The following UNC5B variants were observed in gnomAD, a reference collection of about 807,000 sequenced individuals.
The protein encoded by UNC5B is unc-5 netrin receptor B.
UNC5B carries 56 observed loss-of-function variants against 103.7 expected under a neutral mutation model. That is an observed-to-expected ratio of 0.54 (90% CI 0.44 to 0.67). The LOEUF is 0.67. Among genes scored for constraint, UNC5B ranks in the 30% least tolerant of loss-of-function variants. The probability of loss-of-function intolerance (pLI) is 0.00; values close to 1 mark genes in which losing one functional copy is unlikely to be tolerated. For missense variants in UNC5B, 1,194 were observed against 1,284.5 expected, an observed-to-expected ratio of 0.93 and a Z score of 1.08; for synonymous variants, 577 against 542.0, an observed-to-expected ratio of 1.06 and a Z score of -0.90.
chr10:71,265,462 G>A (rs1311839202), intron 1 of UNC5B, among the ~76,000 whole-genome samples: 1 of 152,160 alleles, frequency 6.6e-6, no homozygotes, highest in East Asian at 1.9e-4. Context: ...AGCTTATGAT[G>A]CCAACCAAAG....
chr10:71,267,934 C>G (rs1224437675), intron 1 of UNC5B, among the ~76,000 whole-genome samples: 2 of 152,240 alleles, frequency 1.3e-5, no homozygotes, highest in Non-Finnish European at 2.9e-5. Flanking sequence ...GGCCTCCTAA[C>G]TGCTGTGTGA....
rs964509590 is a variant in UNC5B, at chr10:71,285,507, A to G, written c.552+78A>G. On this transcript the variant is annotated intron_variant, in intron 4 of 16. Coordinates refer to ENST00000335350, the MANE Select transcript of UNC5B (RefSeq NM_170744.5). Reference sequence around the variant, plus strand: ...AAGCCAGGCAGGCATGGTATTTACCACCAGCCATGGTGCTAGTCTCCCAGA... The same window carrying G: ...AAGCCAGGCAGGCATGGTATTTACCGCCAGCCATGGTGCTAGTCTCCCAGA... 15 of 1,294,038 alleles carry G rather than the reference A, an allele frequency of 1.2e-5. No individual in the cohort carries two copies. The African/African-American group carries it at 1.6e-4, about 14-fold the overall frequency. 80.2% of individuals were successfully genotyped at this position (1,294,038 alleles called of 1,614,324 possible).
At chr10:71,238,656 T>C (rs1219306389) in intron 1 of UNC5B, among the ~76,000 whole-genome samples, 1 of 152,110 alleles carries the variant, frequency 6.6e-6, no homozygotes, top group Non-Finnish European at 1.5e-5. Flanking sequence ...GGTTTCACCA[T>C]CTTGGCCAGG....
At chr10:71,267,405 A>G (rs1564723657) in intron 1 of UNC5B, among the ~76,000 whole-genome samples, 1 of 152,202 alleles carries the variant, frequency 6.6e-6, no homozygotes, top group Non-Finnish European at 1.5e-5. Context: ...AAGTGAGCTG[A>G]TTCCTTGGCC....
intron 1 of UNC5B, among the ~76,000 whole-genome samples, chr10:71,241,294 T>G (rs921083929): frequency 1.3e-5 from 2 of 152,156 alleles, no homozygotes; most frequent in African/African-American, 4.8e-5. Context: ...GGGTTGCCAG[T>G]GCCGAAGGCC....
At position 71,292,570 on chromosome 10, in the gene UNC5B, G is replaced by A. The variant is rs1845293570; in HGVS notation, c.1772+16G>A. 6.3e-7 allele frequency: 1 copy of A among 1,584,774 alleles called. No individual in the cohort carries two copies. Among genetic ancestry groups the A allele is most frequent in the Non-Finnish European group, 8.6e-7 (1 of 1,163,956 alleles). On this transcript the variant is annotated intron_variant, in intron 11 of 16. Transcript: ENST00000335350. ...AAAGTACCCTGTGAGTAGAGCCCCA[G>A]CCGCTGCTCCTTTTTCTTCCTCCCA...
Position 71,241,651 on chromosome 10 carries a change from A to C in UNC5B, c.79+28587A>C, listed in dbSNP as rs1022525925. Reference sequence around the variant, plus strand: ...CAGTAGTAACTGGCACCACGACAGAAGGCCCGTCTTCTCCTTGGCCTGGCA... The same window carrying C: ...CAGTAGTAACTGGCACCACGACAGACGGCCCGTCTTCTCCTTGGCCTGGCA... On this transcript the variant is annotated intron_variant, in intron 1 of 16. Coordinates refer to ENST00000335350, the MANE Select transcript of UNC5B (RefSeq NM_170744.5). Among the ~76,000 whole-genome samples the C allele has an allele frequency of 2.0e-5, 3 of 151,980 alleles. No homozygotes were observed. The South Asian group carries it at 6.2e-4, about 32-fold the overall frequency.
intron 2 of UNC5B, among the ~76,000 whole-genome samples, chr10:71,282,313 C>T (rs1225438735): frequency 6.6e-6 from 1 of 152,190 alleles, no homozygotes; most frequent in African/African-American, 2.4e-5. Context: ...GGGCAGGCAG[C>T]CCAACCCTGG....
chr10:71,217,404 G>GGGGCGCCGC (rs1185944532), intron 1 of UNC5B: 1 of 152,212 alleles, frequency 6.6e-6, no homozygotes, highest in Non-Finnish European at 1.5e-5. Flanking sequence ...CGATCCGCCG[G>GGGGCGCCGC]GGGCGCCGCG....
Position 71,288,944 on chromosome 10 carries a change from A to C in UNC5B, c.1067-14A>C, listed in dbSNP as rs1313044666. ...CACCTATGTCATTGTCTTTCCCTTTATTTCCCTTGACAGATAAGAAAACTC... is the reference window on the plus strand; with the variant it reads ...CACCTATGTCATTGTCTTTCCCTTTCTTTCCCTTGACAGATAAGAAAACTC... On this transcript the variant is annotated splice_polypyrimidine_tract_variant and intron_variant, in intron 7 of 16. Transcript: ENST00000335350. 1 of 1,607,258 alleles carries C rather than the reference A, an allele frequency of 6.2e-7. No individual in the cohort carries two copies. The highest frequency in any genetic ancestry group is 8.5e-7 in the Non-Finnish European group (1 of 1,176,138).
intron 1 of UNC5B, among the ~76,000 whole-genome samples, chr10:71,235,170 T>C (rs948294792): frequency 6.6e-6 from 1 of 152,210 alleles, no homozygotes; most frequent in Non-Finnish European, 1.5e-5. Flanking sequence ...GCCGGAGTGC[T>C]TTTTTTCCTC....
Position 71,235,574 on chromosome 10 carries a change from G to A in UNC5B, c.79+22510G>A, listed in dbSNP as rs563259726. Among the ~76,000 whole-genome samples the A allele has an allele frequency of 1.6e-4, 24 of 152,350 alleles. No homozygotes were observed. The East Asian group carries it at 2.1e-3, about 13-fold the overall frequency. On this transcript the variant is annotated intron_variant, in intron 1 of 16. Coordinates refer to ENST00000335350, the MANE Select transcript of UNC5B (RefSeq NM_170744.5). ...TGGTAGAGGCTTCAGCCAGCCAGACGGCCACATCCTGTGGGAGACATTGGC... is the reference window on the plus strand; with the variant it reads ...TGGTAGAGGCTTCAGCCAGCCAGACAGCCACATCCTGTGGGAGACATTGGC...
chr10:71,262,013 G>C (rs570613705), intron 1 of UNC5B, among the ~76,000 whole-genome samples: 17 of 152,110 alleles, frequency 1.1e-4, no homozygotes, highest in South Asian at 4.2e-4. Context: ...GATGGGGTAG[G>C]GGGGAGGTGG....
At chr10:71,286,958 G>C (rs1372331558) in intron 5 of UNC5B, 89 bp downstream of exon 5, 1 of 1,520,704 alleles carries the variant, frequency 6.6e-7, no homozygotes, top group Non-Finnish European at 8.9e-7. Context: ...GATTGGTAGG[G>C]AGGATGCAGC....
chr10:71,234,643 G>C (rs1843740885), intron 1 of UNC5B, among the ~76,000 whole-genome samples: 1 of 152,188 alleles, frequency 6.6e-6, no homozygotes, highest in African/African-American at 2.4e-5. Context: ...TCCCTGGGGA[G>C]AAGCCTAATA....
In UNC5B at chr10:71,282,544, T is replaced by G. The variant is rs77377591; in HGVS notation, c.305-2176T>G. Among the ~76,000 whole-genome samples the G allele has an allele frequency of 4.1e-3, 631 of 152,270 alleles. 18 individuals are homozygous for G. Among genetic ancestry groups the G allele is most frequent in the East Asian group, 3.9e-3 (20 of 5,174 alleles). On this transcript the variant is annotated intron_variant, in intron 2 of 16. Transcript: ENST00000335350. ...ATGACCCCCTTAAAAGGGCACACTC[T>G]TACAGGTTCACAGTCTGGTAAGCAA...
intron 2 of UNC5B, among the ~76,000 whole-genome samples, chr10:71,282,906 G>T (rs1191741675): frequency 1.3e-5 from 2 of 152,136 alleles, no homozygotes; most frequent in Non-Finnish European, 2.9e-5. Context: ...CACGAGGTCA[G>T]GAGATCGAGA....
chr10:71,265,591 C>T (rs1266952905), intron 1 of UNC5B, among the ~76,000 whole-genome samples: 1 of 152,250 alleles, frequency 6.6e-6, no homozygotes, highest in Non-Finnish European at 1.5e-5. Context: ...CAGCTGCATG[C>T]TGTGGCCTGG....
At chr10:71,216,881 G>C (rs1319190456) in intron 1 of UNC5B, among the ~76,000 whole-genome samples, 1 of 152,216 alleles carries the variant, frequency 6.6e-6, no homozygotes, top group African/African-American at 2.4e-5. Context: ...TGAATAGACA[G>C]TGCTGGTACC....
Sources: gnomAD v4.1 joint callset for allele counts (sites outside exome capture counted in the v4.1 genomes callset) on GRCh38, gnomAD v4.1.1 for gene constraint, MANE v1.5 for transcripts, NCBI Gene and HGNC (gene_info 2026-07-23, HGNC 2026-07-21) for gene names.